GPATCH8: variants seen among roughly 807,000 people sequenced by gnomAD.
GPATCH8 encodes the protein G-patch domain containing 8.
GPATCH8 carries 18 observed loss-of-function variants against 118.3 expected under a neutral mutation model. That is an observed-to-expected ratio of 0.15 (90% confidence interval 0.11 to 0.23). GPATCH8 has a LOEUF of 0.23. Among genes scored for constraint, GPATCH8 ranks in the 10% least tolerant of loss-of-function variants. GPATCH8 has a pLI of 1.00. For synonymous variants in GPATCH8, 659 were observed against 684.7 expected, an observed-to-expected ratio of 0.96 and a Z score of 0.59; for missense variants, 1,631 against 1,873.8, an observed-to-expected ratio of 0.87 and a Z score of 2.39.
intron 1 of GPATCH8, among the ~76,000 whole-genome samples, chr17:44,484,277 C>A (rs912616443): frequency 6.6e-6 from 1 of 152,170 alleles, no homozygotes; most frequent in Non-Finnish European, 1.5e-5. Flanking sequence ...AGCCACCATG[C>A]GCAGCCCAGA....
rs143802930 is a variant in GPATCH8, at chr17:44,446,363, G to A, written c.194-9818C>T. Among the ~76,000 whole-genome samples, 413 of 152,224 alleles carry A rather than the reference G, an allele frequency of 2.7e-3. 1 individual carries two copies. The highest frequency in any genetic ancestry group is 6.2e-3 in the African/African-American group (257 of 41,564). The stretch of plus-strand genomic sequence containing the variant: ...GGGCAGATCACGAGGTCAGCAGATC[G>A]AGACCATCCTGGCTAACACGGCGAA... On this transcript the variant is annotated intron_variant, in intron 3 of 7. Coordinates refer to ENST00000591680, the MANE Select transcript of GPATCH8 (RefSeq NM_001002909.4).
chr17:44,448,285 T>C (rs2050960748), intron 3 of GPATCH8, among the ~76,000 whole-genome samples: 1 of 151,954 alleles, frequency 6.6e-6, no homozygotes, highest in Non-Finnish European at 1.5e-5. Context: ...AGGCTGGGTA[T>C]GGTGGCTCAC....
chr17:44,497,730 A>C (rs1023702878), intron 1 of GPATCH8, among the ~76,000 whole-genome samples: 4 of 152,092 alleles, frequency 2.6e-5, no homozygotes, highest in African/African-American at 9.7e-5. Context: ...GCTTGAGCCC[A>C]GGAGTTCAAG....
chr17:44,436,522 C>T lies in GPATCH8; in HGVS notation c.217G>A (p.Val73Ile), dbSNP rs200099043. The T allele has an allele frequency of 2.6e-5, 40 of 1,515,050 alleles. 1 individual carries two copies. Among genetic ancestry groups the T allele is most frequent in the East Asian group, 2.5e-4 (11 of 44,408 alleles). The allele number at this position is 1,515,050 out of a possible 1,614,324, so 93.9% of individuals were successfully genotyped here. Residue 73 changes from valine to isoleucine, a missense_variant, in exon 4 of 8, where the codon GTT becomes ATT. This residue lies in a region of GPATCH8 where 81 missense variants were observed against 227.6 expected (regional missense o/e 0.36). Coordinates refer to ENST00000591680, the MANE Select transcript of GPATCH8 (RefSeq NM_001002909.4). ...LQGRTDPIPI[V>I]VKYDVMGMGR... ...ATGCCCATGACATCATACTTGACAA[C>T]GATTGGAATGGGATCTGTTCTCCCT...
At chr17:44,479,963 C>G (rs1968088057) in intron 1 of GPATCH8, among the ~76,000 whole-genome samples, 1 of 106,668 alleles carries the variant, frequency 9.4e-6, no homozygotes, top group African/African-American at 2.8e-5. Context: ...AAGACTCCGT[C>G]TCAAAAAAAA....
Position 44,399,108 on chromosome 17 carries a change from C to T in GPATCH8, c.2969G>A (p.Arg990Gln), listed in dbSNP as rs760377117. 9 of 1,613,318 alleles carry T rather than the reference C, an allele frequency of 5.6e-6. No individual in the cohort carries two copies. Among genetic ancestry groups the T allele is most frequent in the East Asian group, 2.2e-5 (1 of 44,886 alleles). ...HSWQRSRSYS[R>Q]DRSRSTRSPS... ...GCTCCTGGTGCTGCGGCTGCGGTCC[C>T]GGCTATAGCTCCGGCTCCGTTGCCA... The change falls in exon 8 of 8, where the codon CGG becomes CAG. Residue 990 changes from arginine (R) to glutamine (Q), a missense_variant. Transcript: ENST00000591680.
intron 6 of GPATCH8, among the ~76,000 whole-genome samples, chr17:44,423,937 G>A (rs2050001829): frequency 6.6e-6 from 1 of 152,046 alleles, no homozygotes. Context: ...ATAGAAAATG[G>A]TAGCCAATAA....
chr17:44,484,348 G>C (rs899161963), intron 1 of GPATCH8, among the ~76,000 whole-genome samples: 2 of 152,040 alleles, frequency 1.3e-5, no homozygotes, highest in Non-Finnish European at 2.9e-5. Flanking sequence ...AAAGCTCAAA[G>C]GTAAACACAA....
chr17:44,466,967 T>C (rs2051793236), intron 2 of GPATCH8: 2 of 301,778 alleles, frequency 6.6e-6, no homozygotes, highest in African/African-American at 4.3e-5. Context: ...AACTCAATCT[T>C]TGGCTAAGTG....
Position 44,399,119 on chromosome 17 carries a change from C to G in GPATCH8, c.2958G>C (p.Arg986=), listed in dbSNP as rs149427188. ...TGCGGCTGCGGTCCCGGCTATAGCT[C>G]CGGCTCCGTTGCCAGCTGTGGGCTG... ...STTAHSWQRS[R]SYSRDRSRST... is the part of the protein sequence containing the mutation. Residue 986 remains arginine (R), a synonymous_variant, in exon 8 of 8, where the codon CGG becomes CGC. Coordinates refer to ENST00000591680, the MANE Select transcript of GPATCH8 (RefSeq NM_001002909.4). 6.8e-6 allele frequency: 11 copies of G among 1,611,968 alleles called. No individual in the cohort carries two copies. The African/African-American group carries it at 1.5e-4, about 22-fold the overall frequency.
intron 3 of GPATCH8, among the ~76,000 whole-genome samples, chr17:44,455,463 G>A (rs1470825328): frequency 6.6e-6 from 1 of 151,374 alleles, no homozygotes; most frequent in African/African-American, 2.4e-5. Flanking sequence ...TCGCGTCATT[G>A]CACTACAGCC....
At chr17:44,428,973 C>T (rs1212371885) in intron 5 of GPATCH8, among the ~76,000 whole-genome samples, 1 of 151,362 alleles carries the variant, frequency 6.6e-6, no homozygotes, top group Non-Finnish European at 1.5e-5. Context: ...AACCCTGTCT[C>T]TACTAAAAAT....
chr17:44,426,339 A>T (rs1323553881), intron 5 of GPATCH8, among the ~76,000 whole-genome samples: 1 of 152,208 alleles, frequency 6.6e-6, no homozygotes, highest in Non-Finnish European at 1.5e-5. Flanking sequence ...GCGGTGGCTC[A>T]CGCCTGTAAT....
intron 3 of GPATCH8, among the ~76,000 whole-genome samples, chr17:44,463,473 G>A (rs1013886464): frequency 6.6e-6 from 1 of 152,118 alleles, no homozygotes; most frequent in African/African-American, 2.4e-5. Context: ...TGCAACCTCC[G>A]CCTTCCAGGT....
intron 6 of GPATCH8, among the ~76,000 whole-genome samples, chr17:44,406,835 A>C (rs771111388): frequency 1.1e-4 from 16 of 152,198 alleles, no homozygotes; most frequent in Non-Finnish European, 2.2e-4. Flanking sequence ...CTACTGTATA[A>C]TTTTCCTTAA....
At chr17:44,410,074 T>C (rs1199575616) in intron 6 of GPATCH8, among the ~76,000 whole-genome samples, 1 of 152,176 alleles carries the variant, frequency 6.6e-6, no homozygotes, top group East Asian at 1.9e-4. Context: ...TTGGGCCAAA[T>C]GGCAAAAGAT....
chr17:44,501,503 C>A (rs1488762332), intron 1 of GPATCH8, among the ~76,000 whole-genome samples: 1 of 152,146 alleles, frequency 6.6e-6, no homozygotes, highest in Non-Finnish European at 1.5e-5. Flanking sequence ...GTATACGTAT[C>A]ATCTTCAAAG....
intron 6 of GPATCH8, among the ~76,000 whole-genome samples, chr17:44,410,530 G>A (rs779019912): frequency 3.9e-5 from 6 of 152,048 alleles, no homozygotes; most frequent in African/African-American, 9.7e-5. Context: ...AAAATTATAC[G>A]ATATGCTTTC....
At chr17:44,472,559 CT>C (rs764160972) in intron 2 of GPATCH8, among the ~76,000 whole-genome samples, 10 of 152,180 alleles carry the variant, frequency 6.6e-5, no homozygotes, top group Non-Finnish European at 1.0e-4. Flanking sequence ...TTTACTGCTA[CT>C]GTTGAGTATC....
Sources: gnomAD v4.1 joint callset for allele counts (sites outside exome capture counted in the v4.1 genomes callset) on GRCh38, gnomAD v4.1.1 for gene constraint, gnomAD v4.1.1 regional missense constraint, MANE v1.5 for transcripts, NCBI Gene and HGNC (gene_info 2026-07-23, HGNC 2026-07-21) for gene names.